The following ZNF385D variants were observed in gnomAD, a reference collection of about 807,000 sequenced individuals.
ZNF385D encodes zinc finger protein 659.
Under a neutral mutation model 35.8 loss-of-function variants are expected in ZNF385D, and 15 were observed. That is an observed-to-expected ratio of 0.42 (90% CI 0.28 to 0.64). The LOEUF (loss-of-function observed/expected upper bound fraction) is 0.64. Ranked by LOEUF, ZNF385D falls within the 30% of genes least tolerant of loss-of-function variation. ZNF385D has a pLI of 0.23. For missense variants in ZNF385D, 474 were observed against 494.6 expected, an observed-to-expected ratio of 0.96 and a Z score of 0.39; for synonymous variants, 212 against 186.8, an observed-to-expected ratio of 1.13 and a Z score of -1.10.
intron 2 of ZNF385D, among the ~76,000 whole-genome samples, chr3:22,344,578 TTTG>T (rs1233542997): frequency 6.6e-6 from 1 of 151,602 alleles, no homozygotes; most frequent in African/African-American, 2.4e-5. Context: ...TCTTTGTTTT[TTTG>T]TTTTGTTTTT....
chr3:22,340,281 C>G (rs1487735820), intron 2 of ZNF385D, among the ~76,000 whole-genome samples: 2 of 152,080 alleles, frequency 1.3e-5, no homozygotes, highest in African/African-American at 4.8e-5. Context: ...GGTCTGGGTT[C>G]TAAAATGGAC....
chr3:21,523,358 A>C (rs1385974477), intron 3 of ZNF385D, among the ~76,000 whole-genome samples: 2 of 152,222 alleles, frequency 1.3e-5, no homozygotes, highest in Non-Finnish European at 1.5e-5. Context: ...GAGAGTGTAC[A>C]ATGATAAATA....
At chr3:22,332,751 C>A (rs754702741) in intron 2 of ZNF385D, among the ~76,000 whole-genome samples, 2 of 152,054 alleles carry the variant, frequency 1.3e-5, no homozygotes, top group Non-Finnish European at 2.9e-5. Flanking sequence ...TGAGAAAAAC[C>A]ATTATCCTGT....
chr3:22,168,953 T>C, exon 3 of ZNF385D: 1 of 985,858 alleles, frequency 1.0e-6, no homozygotes, highest in Non-Finnish European at 1.2e-6. Flanking sequence ...AGTTGGTATG[T>C]TTCTTTTCTC....
intron 1 of ZNF385D, among the ~76,000 whole-genome samples, chr3:21,728,249 C>A (rs1162926805): frequency 6.6e-6 from 1 of 150,676 alleles, no homozygotes; most frequent in Non-Finnish European, 1.5e-5. Flanking sequence ...CAAAACTGCA[C>A]GTTCTGCCCA....
chr3:22,271,792 A>G (rs1239352940), intron 2 of ZNF385D, among the ~76,000 whole-genome samples: 1 of 151,964 alleles, frequency 6.6e-6, no homozygotes, highest in Non-Finnish European at 1.5e-5. Flanking sequence ...TAGCCTTTTT[A>G]TAAGTTCTTA....
rs568142177 is a variant in ZNF385D, at chr3:22,210,760, T to A, written c.107-41725A>T. Among the ~76,000 whole-genome samples, 32 of 152,000 alleles carry A rather than the reference T, an allele frequency of 2.1e-4. No individual in the cohort carries two copies. The East Asian group carries it at 5.6e-3, about 27-fold the overall frequency. Reference sequence around the variant, plus strand: ...CCCTCTACACCATTTACACTTTAGGTTCTAGCCATATGGAACAAGAGCTTG... The same window carrying A: ...CCCTCTACACCATTTACACTTTAGGATCTAGCCATATGGAACAAGAGCTTG... On this transcript the variant is annotated intron_variant, in intron 2 of 5. Coordinates refer to the ZNF385D transcript ENST00000494108.
intron 3 of ZNF385D, among the ~76,000 whole-genome samples, chr3:21,954,573 G>A (rs949664772): frequency 6.6e-6 from 1 of 151,998 alleles, no homozygotes; most frequent in Non-Finnish European, 1.5e-5. Flanking sequence ...AGTTCTGTTT[G>A]TTAATTAGTT....
intron 2 of ZNF385D, among the ~76,000 whole-genome samples, chr3:21,606,856 A>G (rs58431280): frequency 0.031 from 4,657 of 152,296 alleles, 241 homozygotes; most frequent in African/African-American, 0.11. Context: ...AAGAGATGTT[A>G]CTTAAGGGTC....
intron 2 of ZNF385D, among the ~76,000 whole-genome samples, chr3:22,243,889 G>C (rs868298071): frequency 6.6e-6 from 1 of 150,614 alleles, no homozygotes; most frequent in Non-Finnish European, 1.5e-5. Context: ...CTGGAAATAT[G>C]GCCCTTAAGC....
intron 3 of ZNF385D, among the ~76,000 whole-genome samples, chr3:21,999,476 A>G (rs1695701000): frequency 6.6e-6 from 1 of 152,180 alleles, no homozygotes; most frequent in Non-Finnish European, 1.5e-5. Context: ...ATCAGCCAAC[A>G]CCAACATTTT....
chr3:21,972,130 A>G (rs945619467), intron 3 of ZNF385D, among the ~76,000 whole-genome samples: 7 of 152,034 alleles, frequency 4.6e-5, no homozygotes, highest in Non-Finnish European at 5.9e-5. Flanking sequence ...TATTATTTTC[A>G]GCCAATGGCT....
intron 3 of ZNF385D, among the ~76,000 whole-genome samples, chr3:21,835,265 T>C (rs1673196280): frequency 6.6e-6 from 1 of 151,670 alleles, no homozygotes; most frequent in Non-Finnish European, 1.5e-5. Flanking sequence ...TTTTTTTAAG[T>C]TGGAGAAAAG....
chr3:21,614,079 T>C (rs1050072870), intron 2 of ZNF385D, among the ~76,000 whole-genome samples: 1 of 152,188 alleles, frequency 6.6e-6, no homozygotes, highest in Non-Finnish European at 1.5e-5. Flanking sequence ...TCAATGTTGT[T>C]GTATTAGTTT....
chr3:21,883,754 A>G (rs1365716216), intron 3 of ZNF385D, among the ~76,000 whole-genome samples: 2 of 152,034 alleles, frequency 1.3e-5, no homozygotes, highest in Non-Finnish European at 2.9e-5. Flanking sequence ...CTGCACATAT[A>G]AGGCTAGAAT....
intron 4 of ZNF385D, among the ~76,000 whole-genome samples, chr3:21,457,915 G>T (rs911459880): frequency 6.6e-6 from 1 of 152,072 alleles, no homozygotes; most frequent in Non-Finnish European, 1.5e-5. Flanking sequence ...GGAAAGCTGT[G>T]CCAGGAATTA....
chr3:22,119,695 T>C (rs1008276390), intron 3 of ZNF385D, among the ~76,000 whole-genome samples: 13 of 152,128 alleles, frequency 8.5e-5, no homozygotes, highest in African/African-American at 3.1e-4. Context: ...CAGTGGTAGA[T>C]TGGAAGATAT....
At chr3:22,108,326 T>TTA (rs1263725931) in intron 3 of ZNF385D, among the ~76,000 whole-genome samples, 2 of 152,164 alleles carry the variant, frequency 1.3e-5, no homozygotes, top group African/African-American at 4.8e-5. Flanking sequence ...GAAGATGTGT[T>TTA]TATTAACACA....
At chr3:21,629,110 G>T (rs908544880) in intron 2 of ZNF385D, among the ~76,000 whole-genome samples, 9 of 152,174 alleles carry the variant, frequency 5.9e-5, no homozygotes, top group African/African-American at 1.9e-4. Context: ...AAAAAATTGT[G>T]ATCTGTTGAT....
Sources: gnomAD v4.1 joint callset for allele counts (sites outside exome capture counted in the v4.1 genomes callset) on GRCh38, gnomAD v4.1.1 for gene constraint, MANE v1.5 for transcripts, NCBI Gene and HGNC (gene_info 2026-07-23, HGNC 2026-07-21) for gene names.